The following MAT2B variants were observed in gnomAD, a reference collection of about 807,000 sequenced individuals.
MAT2B encodes the protein methionine adenosyltransferase 2 subunit beta.
Under a neutral mutation model 36.1 loss-of-function variants are expected in MAT2B, and 16 were observed. That is an observed-to-expected ratio of 0.44 (90% confidence interval 0.30 to 0.67). The LOEUF is 0.67. Among genes scored for constraint, MAT2B ranks in the 30% least tolerant of loss-of-function variants. The pLI is 0.09. For missense variants in MAT2B, 332 were observed against 398.2 expected (o/e 0.83, Z 1.42); for synonymous variants, 148 against 136.9 (o/e 1.08, Z -0.57).
chr5:163,514,174 C>T (rs1476390050), intron 4 of MAT2B, among the ~76,000 whole-genome samples, 180 bp downstream of exon 4: 1 of 152,114 alleles, frequency 6.6e-6, no homozygotes, highest in Non-Finnish European at 1.5e-5. Flanking sequence ...GTGAATCCTT[C>T]AAGACAGTTT....
At chr5:163,513,762 T>G in intron 3 of MAT2B, 80 bp from the exon 4 acceptor site, 1 of 1,503,690 alleles carries the variant, frequency 6.7e-7, no homozygotes, top group Admixed American at 1.8e-5. Context: ...TGTTTTTATA[T>G]ATCATGAAAA....
At position 163,513,574 on chromosome 5, in the gene MAT2B, G is replaced by C; in HGVS notation, c.278G>C (p.Cys93Ser). Residue 93 changes from cysteine (C) to serine (S), a missense_variant, in exon 3 of 7, where the codon TGT becomes TCT. Transcript: ENST00000321757. ...TTCTAGCCCCATGTTATAGTACATT[G>C]TGCAGCAGAGAGAAGACCAGATGTT... The part of the protein sequence containing the change: ...HDFQPHVIVH[C>S]AAERRPDVVE... The C allele has an allele frequency of 6.2e-7, 1 of 1,609,744 alleles. No homozygotes were observed. Among genetic ancestry groups the C allele is most frequent in the Non-Finnish European group, 8.5e-7 (1 of 1,176,170 alleles).
chr5:163,510,258 G>T (rs1760016233), intron 1 of MAT2B, among the ~76,000 whole-genome samples: 1 of 152,040 alleles, frequency 6.6e-6, no homozygotes, highest in Non-Finnish European at 1.5e-5. Flanking sequence ...AACTATGCTT[G>T]GAAACATAGA....
In MAT2B at chr5:163,512,174, A is replaced by T. The variant is rs751613594; in HGVS notation, c.236A>T (p.His79Leu). 1.2e-6 allele frequency: 2 copies of T among 1,614,050 alleles called. No individual in the cohort carries two copies. Among genetic ancestry groups the T allele is most frequent in the Non-Finnish European group, 1.7e-6 (2 of 1,179,864 alleles). Residue 79 changes from histidine to leucine, a missense_variant, in exon 2 of 7, where the codon CAT becomes CTT. Physicochemically the swap from His to Leu is moderately conservative, Grantham distance 99. Transcript: ENST00000321757. ...AATCTGTTGGATTCTAATGCAGTTC[A>T]TCACATCATTCATGATTTTCAGGTA... is the stretch of plus-strand genomic sequence containing the variant. ...QVNLLDSNAV[H>L]HIIHDFQPHV...
upstream of MAT2B, chr5:163,503,198 A>T: frequency 1.9e-6 from 1 of 529,584 alleles, no homozygotes; most frequent in Non-Finnish European, 3.5e-6. Context: ...ATCAGCTACC[A>T]GCTTACTGCC....
chr5:163,504,593 G>A (rs1759897156), upstream of MAT2B, among the ~76,000 whole-genome samples: 3 of 152,208 alleles, frequency 2.0e-5, no homozygotes, highest in South Asian at 6.2e-4. Flanking sequence ...TTTAGAGCTT[G>A]CTATCCTGGG....
At chr5:163,504,057 T>C (rs943688189), upstream of MAT2B, among the ~76,000 whole-genome samples, 5 of 152,250 alleles carry the variant, frequency 3.3e-5, no homozygotes, top group Admixed American at 1.3e-4. Context: ...TAATTGCATA[T>C]GCTTGCCCTT....
At position 163,517,561 on chromosome 5, in the gene MAT2B, G is replaced by T; in HGVS notation, c.721G>T (p.Asp241Tyr). ...CRQLAEKRML[D>Y]PSIKGTFHWS... The stretch of plus-strand genomic sequence containing the variant: ...GAATTTATTGTGTCATCGTTCTTAG[G>T]ATCCATCAATTAAGGGAACCTTTCA... The change falls in exon 6 of 7, where the codon GAT (aspartate) becomes TAT (tyrosine). Residue 241 changes from aspartate to tyrosine, a missense_variant and splice_region_variant. By Grantham distance (160) the Asp-to-Tyr change is radical. Transcript: ENST00000321757. 1 of 1,564,258 alleles carries T rather than the reference G, an allele frequency of 6.4e-7. No individual in the cohort carries two copies. Among genetic ancestry groups the T allele is most frequent in the Non-Finnish European group, 8.8e-7 (1 of 1,134,650 alleles).
chr5:163,509,302 AG>A (rs1201975383), intron 1 of MAT2B, among the ~76,000 whole-genome samples: 2 of 152,170 alleles, frequency 1.3e-5, no homozygotes. Context: ...TTCTTTTTTA[AG>A]GGGGAAAGAT....
At position 163,518,496 on chromosome 5, in the gene MAT2B, C is replaced by T. The variant is rs1424529538; in HGVS notation, c.*133C>T. On this transcript the variant is annotated 3_prime_UTR_variant, in exon 7 of 7. Coordinates refer to ENST00000321757, the MANE Select transcript of MAT2B (RefSeq NM_013283.5). ...TAGGATCTTTCAGGTAAATGATGCT[C>T]TTGCACTAGTGAAATTGTCTAAAGA... 5 of 655,310 alleles carry T rather than the reference C, an allele frequency of 7.6e-6. No individual in the cohort carries two copies. In the East Asian group the frequency reaches 1.2e-4, roughly 16 times the overall value. 40.6% of individuals were successfully genotyped at this position (655,310 alleles called of 1,614,324 possible). A position where few individuals can be genotyped will look rare whatever the true frequency, so the allele number is the denominator to read the frequency against.
intron 1 of MAT2B, among the ~76,000 whole-genome samples, chr5:163,509,718 AT>A (rs1373979710): frequency 6.6e-6 from 1 of 152,190 alleles, no homozygotes; most frequent in Non-Finnish European, 1.5e-5. Flanking sequence ...CTCTGACTGT[AT>A]CTGTACTAGA....
At chr5:163,511,053 A>G (rs1760031037) in intron 1 of MAT2B, among the ~76,000 whole-genome samples, 1 of 152,200 alleles carries the variant, frequency 6.6e-6, no homozygotes, top group Non-Finnish European at 1.5e-5. Context: ...GACAAATTGT[A>G]AAGTCTTATA....
chr5:163,506,238 C>T (rs1348577147), intron 1 of MAT2B, among the ~76,000 whole-genome samples: 1 of 152,170 alleles, frequency 6.6e-6, no homozygotes, highest in African/African-American at 2.4e-5. Context: ...CTTTAATCCT[C>T]CACTGTGAGA....
At chr5:163,509,382 T>C (rs13360451) in intron 1 of MAT2B, among the ~76,000 whole-genome samples, 5,100 of 152,332 alleles carry the variant, frequency 0.033, 253 homozygotes, top group African/African-American at 0.11. Context: ...CGGATTGTTA[T>C]GAAAGCTTTG....
At chr5:163,513,319 T>C in intron 2 of MAT2B, 1 of 370,418 alleles carries the variant, frequency 2.7e-6, no homozygotes, top group Non-Finnish European at 4.9e-6. Flanking sequence ...GTTTTTTTCC[T>C]GGTTTGTGTC....
chr5:163,512,367 T>A, intron 2 of MAT2B, 171 bp downstream of exon 2: 1 of 622,670 alleles, frequency 1.6e-6, no homozygotes, highest in Non-Finnish European at 2.8e-6. Flanking sequence ...AACCTTAAAG[T>A]TAAATTTTGA....
At chr5:163,504,189 T>G (rs1291110475), upstream of MAT2B, among the ~76,000 whole-genome samples, 3 of 152,170 alleles carry the variant, frequency 2.0e-5, no homozygotes, top group Non-Finnish European at 4.4e-5. Flanking sequence ...GAAAAAGTAG[T>G]AAGATGATCT....
At chr5:163,516,250 A>G (rs1156657900) in intron 4 of MAT2B, among the ~76,000 whole-genome samples, 2 of 151,996 alleles carry the variant, frequency 1.3e-5, no homozygotes, top group Non-Finnish European at 2.9e-5. Flanking sequence ...GAGTTTTGCT[A>G]TGATGCCCGG....
intron 5 of MAT2B, 179 bp from the exon 6 acceptor site, chr5:163,517,382 A>G: frequency 2.7e-6 from 1 of 374,126 alleles, no homozygotes; most frequent in Admixed American, 4.1e-5. Context: ...TGCTCTTTTA[A>G]GTGTTTTGCT....
Sources: gnomAD v4.1 joint callset for allele counts (sites outside exome capture counted in the v4.1 genomes callset) on GRCh38, gnomAD v4.1.1 for gene constraint, MANE v1.5 for transcripts, NCBI Gene and HGNC (gene_info 2026-07-23, HGNC 2026-07-21) for gene names.